The following SRPX variants were observed in gnomAD, a reference collection of about 807,000 sequenced individuals.
SRPX encodes the protein sushi repeat-containing protein SRPX.
A neutral mutation model predicts 38.1 loss-of-function variants in SRPX; 24 were observed. The observed-to-expected ratio is 0.63, with a 90% CI of 0.46 to 0.89. SRPX has a LOEUF of 0.89. Among genes scored for constraint, SRPX ranks in the 40% least tolerant of loss-of-function variants. The pLI is 0.00. For missense variants in SRPX, 416 were observed against 377.8 expected (o/e 1.10, Z -0.84); for synonymous variants, 184 against 153.8 (o/e 1.20, Z -1.45).
Position 38,160,051 on chromosome X carries a change from G to T in SRPX, c.921C>A (p.Asn307Lys), listed in dbSNP as rs1938212708. 1.7e-6 allele frequency: 2 copies of T among 1,210,021 alleles called. No individual in the cohort carries two copies. Among genetic ancestry groups the T allele is most frequent in the South Asian group, 1.8e-5 (1 of 56,601 alleles). ...TGGGCTCCGTGCCAGACCAAGCCAG[G>T]TTGGATTGACATACTCGGGCAGGGC... ...QGSPARVCQSNLAWSGTEPTC... is the reference protein window; with the variant it reads ...QGSPARVCQSKLAWSGTEPTC... Residue 307 changes from asparagine to lysine, a missense_variant, in exon 7 of 10, where the codon AAC (asparagine) becomes AAA (lysine). Asn to Lys is a moderately conservative substitution (Grantham distance 94). Transcript: ENST00000378533.
rs138287724 is a variant in SRPX at position 38,164,826 on chromosome X, A to G, written c.596T>C (p.Val199Ala). ...TTCGGGTGTCTCCCAGGACACCCGG[A>G]CTGTCAGTTTGTTGGGTTCTGCAAT... The part of the protein sequence containing the change: ...ERIAEPNKLT[V>A]RVSWETPEGR... Residue 199 changes from valine (V) to alanine (A), a missense_variant, in exon 5 of 10, where the codon GTC becomes GCC. Physicochemically the swap from Val to Ala is moderately conservative, Grantham distance 64. Transcript: ENST00000378533. 225 of 1,208,404 alleles carry G rather than the reference A, an allele frequency of 1.9e-4. 1 individual carries two copies. Among genetic ancestry groups the G allele is most frequent in the Non-Finnish European group, 3.9e-5 (35 of 894,209 alleles).
chrX:38,167,567 C>T (rs1049365176), intron 4 of SRPX, among the ~76,000 whole-genome samples: 1 of 111,768 alleles, frequency 8.9e-6, no homozygotes, highest in African/African-American at 3.3e-5. Context: ...AATTACTATC[C>T]CCTGTTGAAT....
intron 1 of SRPX, among the ~76,000 whole-genome samples, chrX:38,191,070 G>T (rs1348257946): frequency 8.9e-6 from 1 of 111,802 alleles, no homozygotes; most frequent in African/African-American, 3.3e-5. Flanking sequence ...CAGAGAAAGA[G>T]AGAAAGAGAG....
At chrX:38,153,145 G>A (rs1033102570) in intron 9 of SRPX, among the ~76,000 whole-genome samples, 1 of 111,004 alleles carries the variant, frequency 9.0e-6, no homozygotes, top group African/African-American at 3.3e-5. Flanking sequence ...GTCGGTATGG[G>A]GAGGTGCTAC....
intron 1 of SRPX, among the ~76,000 whole-genome samples, chrX:38,180,974 T>C (rs1938659236): frequency 1.8e-5 from 2 of 112,519 alleles, no homozygotes; most frequent in Non-Finnish European, 3.8e-5. Context: ...TGAGCAAAGT[T>C]GGTCCCAGAA....
At chrX:38,158,562 G>A (rs967002307) in intron 7 of SRPX, among the ~76,000 whole-genome samples, 3 of 111,765 alleles carry the variant, frequency 2.7e-5, no homozygotes, top group Non-Finnish European at 5.6e-5. Context: ...GTGATACACA[G>A]TTCCTGCCCT....
At chrX:38,152,161 T>A (rs1358670783) in intron 9 of SRPX, among the ~76,000 whole-genome samples, 2 of 111,945 alleles carry the variant, frequency 1.8e-5, no homozygotes, top group African/African-American at 6.5e-5. Context: ...TCCTCTGCAC[T>A]AGACTCCAAG....
At chrX:38,179,276 A>G (rs972601846) in intron 1 of SRPX, among the ~76,000 whole-genome samples, 6 of 112,329 alleles carry the variant, frequency 5.3e-5, no homozygotes, top group African/African-American at 1.9e-4. Context: ...GTTGCTACCA[A>G]TAAAAACCAC....
intron 3 of SRPX, among the ~76,000 whole-genome samples, chrX:38,172,449 G>C (rs1012698289): frequency 8.9e-6 from 1 of 112,786 alleles, no homozygotes; most frequent in Non-Finnish European, 1.9e-5. Context: ...ACACGACTTT[G>C]TATAAATAAA....
rs144518030 is a variant in SRPX at position 38,154,558 on chromosome X, C to A, written c.1115G>T (p.Arg372Leu). 986 of 1,206,728 alleles carry A rather than the reference C, an allele frequency of 8.2e-4. No homozygotes were observed. The highest frequency in any genetic ancestry group is 1.1e-3 in the Non-Finnish European group (952 of 893,782). The part of the protein sequence containing the change: ...LQQAQCGLDL[R>L]HITVVELVGV... ...CACCAGCTCCACCACGGTGATGTGT[C>A]GAAGATCAAGGCCACACTGTGCTTG... The change falls in exon 9 of 10, where the codon CGA (arginine) becomes CTA (leucine). Residue 372 changes from arginine to leucine, a missense_variant. Coordinates refer to ENST00000378533, the MANE Select transcript of SRPX (RefSeq NM_006307.5).
chrX:38,160,877 T>C (rs759943590), intron 6 of SRPX, 56 bp downstream of exon 6: 61 of 1,179,202 alleles, frequency 5.2e-5, no homozygotes, highest in Non-Finnish European at 6.1e-5. Context: ...GAGGACCTAC[T>C]TCCCTTTGCT....
chrX:38,178,593 G>C (rs1360577840), intron 1 of SRPX, among the ~76,000 whole-genome samples: 1 of 111,671 alleles, frequency 9.0e-6, no homozygotes, highest in Non-Finnish European at 1.9e-5. Context: ...TATGCCAAGT[G>C]AAATTCTGGA....
rs1939504143 is a variant in SRPX at position 38,220,731 on chromosome X, A to AGCAGCAGCAGCAGAGGCG, written c.44_61dup (p.Pro15_Leu20dup). On this transcript the variant is annotated inframe_insertion, in exon 1 of 10. Coordinates refer to ENST00000378533, the MANE Select transcript of SRPX (RefSeq NM_006307.5). ...GCGGCTGGGCGGGACGCGCAGCAGC[A>AGCAGCAGCAGCAGAGGCG]GCAGCAGCAGCAGAGGCGGCAGCAG... 1 of 1,156,776 alleles carries AGCAGCAGCAGCAGAGGCG rather than the reference A, an allele frequency of 8.6e-7. No homozygotes were observed. Among genetic ancestry groups the AGCAGCAGCAGCAGAGGCG allele is most frequent in the East Asian group, 3.2e-5 (1 of 31,100 alleles).
intron 5 of SRPX, among the ~76,000 whole-genome samples, 151 bp downstream of exon 5, chrX:38,164,616 TAC>T (rs1938328896): frequency 8.9e-6 from 1 of 112,094 alleles, no homozygotes; most frequent in Non-Finnish European, 1.9e-5. Flanking sequence ...AATCAACAAA[TAC>T]ATAGGTGACA....
At chrX:38,155,125 A>T (rs751678485) in intron 8 of SRPX, among the ~76,000 whole-genome samples, 2 of 103,274 alleles carry the variant, frequency 1.9e-5, no homozygotes, top group East Asian at 3.1e-4. Flanking sequence ...CAATGGCAAT[A>T]AAAAAAAAAA....
At chrX:38,178,382 C>A in intron 1 of SRPX, 38 bp from the exon 2 acceptor site, 3 of 1,127,542 alleles carry the variant, frequency 2.7e-6, no homozygotes, top group Non-Finnish European at 3.7e-6. Context: ...GCAAGAAAAG[C>A]CACATAGTAT....
At chrX:38,168,612 T>C (rs1175696000) in intron 4 of SRPX, among the ~76,000 whole-genome samples, 1 of 112,155 alleles carries the variant, frequency 8.9e-6, no homozygotes, top group African/African-American at 3.2e-5. Context: ...ATAAAATAGT[T>C]TGAGTTTGGT....
chrX:38,159,148 T>C (rs1938190871), intron 7 of SRPX, among the ~76,000 whole-genome samples: 1 of 112,241 alleles, frequency 8.9e-6, no homozygotes, highest in South Asian at 3.7e-4. Context: ...AATTGGTATA[T>C]ATTTTACACT....
At chrX:38,196,654 C>T (rs1033433624) in intron 1 of SRPX, among the ~76,000 whole-genome samples, 3 of 112,156 alleles carry the variant, frequency 2.7e-5, no homozygotes, top group Non-Finnish European at 3.8e-5. Flanking sequence ...GAGTCTGAAA[C>T]AAGGACTTGG....
Sources: allele counts gnomAD v4.1 joint callset (sites outside exome capture counted in the v4.1 genomes callset), GRCh38; gene constraint gnomAD v4.1.1; transcripts MANE v1.5; gene names NCBI Gene and HGNC (gene_info 2026-07-23, HGNC 2026-07-21).